DLG5: variants seen among roughly 807,000 people sequenced by gnomAD.
The protein encoded by DLG5 is disks large homolog 5.
In DLG5, 48 loss-of-function variants were observed where a neutral mutation model predicts 189.8. The observed-to-expected ratio is 0.25, with a 90% confidence interval of 0.20 to 0.32. The LOEUF (loss-of-function observed/expected upper bound fraction) is 0.32, where lower values mean the gene tolerates loss of function less well. Among genes scored for constraint, DLG5 ranks in the 10% least tolerant of loss-of-function variants. DLG5 has a pLI of 1.00. For missense variants in DLG5, 2,160 were observed against 2,544.7 expected (o/e 0.85, Z 3.25); for synonymous variants, 1,016 against 1,054.1 (o/e 0.96, Z 0.70).
chr10:77,843,306 G>T (rs897153320), intron 6 of DLG5, 141 bp downstream of exon 6: 20 of 1,027,512 alleles, frequency 1.9e-5, no homozygotes, highest in Admixed American at 4.7e-5. Flanking sequence ...GACACATTCA[G>T]TGTCAAAAAA....
intron 27 of DLG5, among the ~76,000 whole-genome samples, chr10:77,800,463 G>A (rs931673346): frequency 1.3e-5 from 2 of 151,808 alleles, no homozygotes; most frequent in African/African-American, 2.4e-5. Context: ...GCAGAGGGCC[G>A]CCGCTGAGGG....
intron 1 of DLG5, among the ~76,000 whole-genome samples, chr10:77,918,287 C>A (rs896296732): frequency 3.3e-5 from 5 of 151,876 alleles, no homozygotes; most frequent in Admixed American, 1.3e-4. Flanking sequence ...GTGGCACATG[C>A]CTGTAGTCCC....
At chr10:77,886,366 G>A (rs1410683642) in intron 1 of DLG5, among the ~76,000 whole-genome samples, 1 of 142,578 alleles carries the variant, frequency 7.0e-6, no homozygotes, top group Non-Finnish European at 1.5e-5. Flanking sequence ...AGAGAACCGT[G>A]TGAGAGTAGT....
In DLG5 at chr10:77,821,257, C is replaced by T. The variant is rs1453440163; in HGVS notation, c.3227G>A (p.Ser1076Asn). 2.5e-6 allele frequency: 4 copies of T among 1,613,822 alleles called. No homozygotes were observed. Among genetic ancestry groups the T allele is most frequent in the Non-Finnish European group, 3.4e-6 (4 of 1,180,050 alleles). The stretch of plus-strand genomic sequence containing the variant: ...GTCCCCATCTCCTTCAGGGTAGTAG[C>T]TGGAAGCAATGCGGACCCTGGCCTT... ...PRKARVRIAS[S>N]YYPEGDGDSS... Residue 1076 changes from serine to asparagine, a missense_variant, in exon 15 of 32, where the codon AGC becomes AAC. By Grantham distance (46) the Ser-to-Asn change is conservative (BLOSUM62 1). This residue lies in a region of DLG5 where 754 missense variants were observed against 746.5 expected (regional missense o/e 1.01). Transcript: ENST00000372391.
chr10:77,910,732 G>A (rs1273851092), intron 1 of DLG5, among the ~76,000 whole-genome samples: 1 of 152,140 alleles, frequency 6.6e-6, no homozygotes, highest in East Asian at 1.9e-4. Context: ...AGCACTTTGG[G>A]GGGCCAAGGC....
intron 31 of DLG5, 170 bp downstream of exon 31, chr10:77,793,838 G>A (rs911791078): frequency 5.0e-5 from 31 of 623,214 alleles, no homozygotes; most frequent in African/African-American, 1.3e-4. Flanking sequence ...GAATCCTGAC[G>A]TTGGCCAGGG....
At chr10:77,804,589 C>T (rs1841378836) in intron 27 of DLG5, among the ~76,000 whole-genome samples, 1 of 152,236 alleles carries the variant, frequency 6.6e-6, no homozygotes, top group Admixed American at 6.5e-5. Flanking sequence ...AGACAGTAGA[C>T]ACACACCAGG....
intron 1 of DLG5, among the ~76,000 whole-genome samples, chr10:77,919,232 A>C (rs547051298): frequency 2.2e-4 from 33 of 152,200 alleles, no homozygotes; most frequent in East Asian, 2.1e-3. Context: ...AACAAACAAA[A>C]AAAAAACTGA....
chr10:77,816,481 C>A, intron 20 of DLG5, 70 bp downstream of exon 20: 1 of 1,606,324 alleles, frequency 6.2e-7, no homozygotes, highest in South Asian at 1.1e-5. Context: ...CCCTGCAGAG[C>A]CCAGGCCCGC....
At chr10:77,840,236 G>C (rs888321637) in intron 7 of DLG5, among the ~76,000 whole-genome samples, 1 of 151,776 alleles carries the variant, frequency 6.6e-6, no homozygotes, top group African/African-American at 2.4e-5. Flanking sequence ...GAATTAGCTG[G>C]GTGAGCTGGT....
Position 77,830,796 on chromosome 10 carries a change from A to G in DLG5, c.1826T>C (p.Ile609Thr). The change falls in exon 10 of 32, where the codon ATT (isoleucine) becomes ACT (threonine). Residue 609 changes from isoleucine (I) to threonine (T), a missense_variant. By Grantham distance (89) the Ile-to-Thr change is moderately conservative. Around this residue, in one of 5 missense-constraint regions of DLG5, gnomAD observed 664 missense variants for 838.5 expected, o/e 0.79. Transcript: ENST00000372391. ...LMAHSSHDSA[I>T]DTDSMEWETE... ...TTCCCACTCCATGGAATCCGTGTCA[A>G]TGGCCGAGTCGTGGGAGCTGTGGGC... 1 of 1,614,168 alleles carries G rather than the reference A, an allele frequency of 6.2e-7. No individual in the cohort carries two copies. Among genetic ancestry groups the G allele is most frequent in the Non-Finnish European group, 8.5e-7 (1 of 1,180,040 alleles).
chr10:77,816,532 G>A lies in DLG5; in HGVS notation c.4025+19C>T, dbSNP rs755645806. On this transcript the variant is annotated intron_variant, in intron 20 of 31. Coordinates refer to ENST00000372391, the MANE Select transcript of DLG5 (RefSeq NM_004747.4). ...TGTCCACTGGTTTACCCACTCCACC[G>A]ATGACCGGCCATGCTCACCTGTCCT... 44 of 1,613,850 alleles carry A rather than the reference G, an allele frequency of 2.7e-5. No individual in the cohort carries two copies. The highest frequency in any genetic ancestry group is 4.4e-5 in the South Asian group (4 of 91,080).
chr10:77,809,843 CA>C, intron 23 of DLG5, 113 bp from the exon 24 acceptor site: 2 of 1,282,156 alleles, frequency 1.6e-6, no homozygotes, highest in Non-Finnish European at 2.2e-6. Flanking sequence ...GTCTCAGAAC[CA>C]CAGGGAGCTG....
In DLG5 at chr10:77,796,063, T is replaced by C. The variant is rs778193732; in HGVS notation, c.5434A>G (p.Lys1812Glu). 37 of 1,614,070 alleles carry C rather than the reference T, an allele frequency of 2.3e-5. No individual in the cohort carries two copies. Among genetic ancestry groups the C allele is most frequent in the Non-Finnish European group, 2.6e-5 (31 of 1,180,036 alleles). ...CCTCAGACTGAAGCCCTGGGTACCT[T>C]TTCTGTGATCTCCTTTATTGACGCC... is the stretch of plus-strand genomic sequence containing the variant. ...TVASIKEITEKNRHCLLDIAP... is the reference protein window; with the variant it reads ...TVASIKEITEENRHCLLDIAP... The change falls in exon 29 of 32, where the codon AAG (lysine) becomes GAG (glutamate). Residue 1812 changes from lysine to glutamate, a missense_variant and splice_region_variant. Around this residue, in one of 5 missense-constraint regions of DLG5, gnomAD observed 574 missense variants for 644.2 expected, o/e 0.89. Coordinates refer to ENST00000372391, the MANE Select transcript of DLG5 (RefSeq NM_004747.4). This position sits in a 1 kb window ranked among gnomAD's most constrained non-coding sequence, Gnocchi z 5.2.
At chr10:77,858,492 G>T (rs1391981631) in intron 2 of DLG5, among the ~76,000 whole-genome samples, 1 of 151,896 alleles carries the variant, frequency 6.6e-6, no homozygotes. Flanking sequence ...CAAAAAATTA[G>T]CTGGGTGTGG....
At chr10:77,826,415 C>A (rs542703630) in intron 13 of DLG5, among the ~76,000 whole-genome samples, 156 of 152,176 alleles carry the variant, frequency 1.0e-3, no homozygotes, top group African/African-American at 3.7e-3. Context: ...CGTTTGAGGT[C>A]AGGAGTTCAA....
chr10:77,850,822 C>T (rs1843934318), intron 5 of DLG5, among the ~76,000 whole-genome samples: 1 of 152,266 alleles, frequency 6.6e-6, no homozygotes. Context: ...GACCAATTCT[C>T]CTACACTGAG....
intron 6 of DLG5, 41 bp from the exon 7 acceptor site, chr10:77,842,234 C>G (rs1843457757): frequency 6.3e-7 from 1 of 1,576,428 alleles, no homozygotes; most frequent in Non-Finnish European, 8.6e-7. Context: ...GGCGGGGGCC[C>G]TGCCCGGTCA....
At chr10:77,828,615 C>T (rs1397175785) in intron 13 of DLG5, among the ~76,000 whole-genome samples, 2 of 151,714 alleles carry the variant, frequency 1.3e-5, no homozygotes, top group African/African-American at 4.8e-5. Context: ...TGCACTCCAG[C>T]CTGAGGGACA....
Sources: allele counts gnomAD v4.1 joint callset (sites outside exome capture counted in the v4.1 genomes callset), GRCh38; gene constraint gnomAD v4.1.1; regional missense constraint gnomAD v4.1.1; non-coding constraint Gnocchi (gnomAD v3.1); transcripts MANE v1.5; gene names NCBI Gene and HGNC (gene_info 2026-07-23, HGNC 2026-07-21).